LDB3: variants seen among roughly 807,000 people sequenced by gnomAD.
LDB3 encodes LIM domain binding 3.
Under a neutral mutation model 69.0 loss-of-function variants are expected in LDB3, and 49 were observed. The ratio of observed to expected loss-of-function variants is 0.71; its 90% CI spans 0.56 to 0.90. The LOEUF is 0.90. LDB3 is among the 40% of genes least tolerant of loss of function. LDB3 has a pLI of 0.00. For missense variants in LDB3, 928 were observed against 974.1 expected, an observed-to-expected ratio of 0.95 and a Z score of 0.63; for synonymous variants, 387 against 396.2, an observed-to-expected ratio of 0.98 and a Z score of 0.28.
intron 5 of LDB3, among the ~76,000 whole-genome samples, chr10:86,690,575 C>T (rs1477100175): frequency 1.3e-5 from 2 of 152,256 alleles, no homozygotes; most frequent in African/African-American, 4.8e-5. Context: ...TTGTAGCCCA[C>T]CCTGAGCCAG....
At chr10:86,668,924 C>T in intron 2 of LDB3, 140 bp downstream of exon 2, 1 of 695,332 alleles carries the variant, frequency 1.4e-6, no homozygotes, top group Non-Finnish European at 2.5e-6. Flanking sequence ...TGGCCTGGTC[C>T]TCTGGTCTCA....
At chr10:86,714,856 C>T (rs1177724058) in intron 9 of LDB3, among the ~76,000 whole-genome samples, 2 of 152,204 alleles carry the variant, frequency 1.3e-5, no homozygotes, top group Non-Finnish European at 2.9e-5. Flanking sequence ...CATGCCCAAC[C>T]GGTATTATCT....
At position 86,733,355 on chromosome 10, in the gene LDB3, G is replaced by T. The variant is rs1299414985; in HGVS notation, c.*379G>T. 2 of 290,454 alleles carry T rather than the reference G, an allele frequency of 6.9e-6. No homozygotes were observed. Among genetic ancestry groups the T allele is most frequent in the East Asian group, 9.3e-5 (1 of 10,752 alleles). The allele number at this position is 290,454 out of a possible 1,614,324, so 18.0% of individuals were successfully genotyped here. A position where few individuals can be genotyped will look rare whatever the true frequency, so the allele number is the denominator to read the frequency against. On this transcript the variant is annotated 3_prime_UTR_variant, in exon 14 of 14. Coordinates refer to ENST00000361373, the MANE Select transcript of LDB3 (RefSeq NM_007078.3). ...CTGTGGAGAATCTGAAGCATTCTGCGGAGTTCTTAAGCGCTCCCCTGGCAA... is the reference window on the plus strand; with the variant it reads ...CTGTGGAGAATCTGAAGCATTCTGCTGAGTTCTTAAGCGCTCCCCTGGCAA...
At chr10:86,692,656 AG>A in intron 7 of LDB3, 85 bp downstream of exon 7, 1 of 1,203,226 alleles carries the variant, frequency 8.3e-7, no homozygotes, top group Non-Finnish European at 1.2e-6. Context: ...CACTCATGGA[AG>A]GGACCTCTCA....
intron 7 of LDB3, among the ~76,000 whole-genome samples, chr10:86,692,794 G>T (rs1845829446): frequency 6.6e-6 from 1 of 152,238 alleles, no homozygotes; most frequent in African/African-American, 2.4e-5. Flanking sequence ...GGCTACAAGA[G>T]CGAAGGCTCT....
chr10:86,668,826 C>A, intron 2 of LDB3, 42 bp downstream of exon 2: 2 of 1,474,450 alleles, frequency 1.4e-6, no homozygotes, highest in Non-Finnish European at 1.9e-6. Context: ...ATGGGGCAGG[C>A]ACGCTTGGAG....
intron 9 of LDB3, among the ~76,000 whole-genome samples, chr10:86,715,253 C>T (rs1846823401): frequency 6.6e-6 from 1 of 152,158 alleles, no homozygotes; most frequent in African/African-American, 2.4e-5. Context: ...GGGAGGGAGG[C>T]TGTGCTGACA....
Position 86,687,085 on chromosome 10 carries a change from C to T in LDB3, c.690-4811C>T, listed in dbSNP as rs750606592. 1.4e-5 allele frequency: 22 copies of T among 1,614,010 alleles called. No individual in the cohort carries two copies. The highest frequency in any genetic ancestry group is 1.6e-5 in the Non-Finnish European group (19 of 1,179,984). On this transcript the variant is annotated intron_variant, in intron 5 of 13. Coordinates refer to ENST00000361373, the MANE Select transcript of LDB3 (RefSeq NM_007078.3). Reference sequence around the variant, plus strand: ...CTCCCCCAGCGCCGACTACCAGGAACGCTTCAACCCCAGTGCCCTGAAGGA... The same window carrying T: ...CTCCCCCAGCGCCGACTACCAGGAATGCTTCAACCCCAGTGCCCTGAAGGA...
Position 86,697,511 on chromosome 10 carries a change from G to A in LDB3, c.896+4940G>A, listed in dbSNP as rs184360897. Among the ~76,000 whole-genome samples, 107 of 147,836 alleles carry A rather than the reference G, an allele frequency of 7.2e-4. No individual in the cohort carries two copies. The East Asian group carries it at 0.015, about 21-fold the overall frequency. ...CCTGGGATTACAGGCGTGAGCCGCC[G>A]TGCCCGGCCAACTTCTTTTTTTTCT... On this transcript the variant is annotated intron_variant, in intron 7 of 13. Coordinates refer to ENST00000361373, the MANE Select transcript of LDB3 (RefSeq NM_007078.3).
chr10:86,710,243 A>G, intron 9 of LDB3, 193 bp downstream of exon 9: 1 of 985,430 alleles, frequency 1.0e-6, no homozygotes. Flanking sequence ...TGGGGGAGAC[A>G]GGTGAGCAAG....
chr10:86,721,388 G>A (rs993892129), intron 12 of LDB3, among the ~76,000 whole-genome samples: 4 of 152,194 alleles, frequency 2.6e-5, no homozygotes, highest in Non-Finnish European at 5.9e-5. Context: ...ATAGGGTCTA[G>A]GCTGAAAAAT....
chr10:86,704,831 C>G (rs1013289270), intron 7 of LDB3, among the ~76,000 whole-genome samples: 2 of 151,952 alleles, frequency 1.3e-5, no homozygotes, highest in African/African-American at 4.8e-5. Flanking sequence ...ATCCGCCCAC[C>G]TCGGCCTCCC....
intron 9 of LDB3, among the ~76,000 whole-genome samples, chr10:86,712,316 G>T (rs115428739): frequency 6.6e-6 from 1 of 152,350 alleles, no homozygotes; most frequent in African/African-American, 2.4e-5. Flanking sequence ...AGTCTGTAAG[G>T]CCTTCCGATG....
At position 86,699,227 on chromosome 10, in the gene LDB3, C is replaced by A; in HGVS notation, c.896+6656C>A. 2 of 1,561,956 alleles carry A rather than the reference C, an allele frequency of 1.3e-6. No homozygotes were observed. Among genetic ancestry groups the A allele is most frequent in the South Asian group, 1.1e-5 (1 of 89,752 alleles). ...CTCCCTCTCTTCTCTCTCTTTCTGTCTCTGTCTCTGTTTCTCTCTCTCTCT... is the reference window on the plus strand; with the variant it reads ...CTCCCTCTCTTCTCTCTCTTTCTGTATCTGTCTCTGTTTCTCTCTCTCTCT... On this transcript the variant is annotated intron_variant, in intron 7 of 13. Transcript: ENST00000361373. This position sits in a 1 kb window ranked among gnomAD's most constrained non-coding sequence, Gnocchi z 4.9.
chr10:86,701,599 G>A (rs571862715), intron 7 of LDB3, among the ~76,000 whole-genome samples: 2 of 152,384 alleles, frequency 1.3e-5, no homozygotes, highest in South Asian at 4.1e-4. Flanking sequence ...ATGCGGCTGT[G>A]TTCCCAATGC....
At chr10:86,709,672 T>A (rs1846566260) in intron 8 of LDB3, among the ~76,000 whole-genome samples, 1 of 152,236 alleles carries the variant, frequency 6.6e-6, no homozygotes, top group South Asian at 2.1e-4. Flanking sequence ...GGTGTCCTCC[T>A]GGTGGCTTTT....
At chr10:86,686,555 C>T (rs1845476349) in intron 5 of LDB3, among the ~76,000 whole-genome samples, 1 of 152,116 alleles carries the variant, frequency 6.6e-6, no homozygotes, top group Admixed American at 6.5e-5. Context: ...GTGGCTCATG[C>T]CTGTAATCCC....
intron 2 of LDB3, among the ~76,000 whole-genome samples, chr10:86,671,263 C>T (rs1844455344): frequency 6.6e-6 from 1 of 152,192 alleles, no homozygotes; most frequent in Admixed American, 6.5e-5. Flanking sequence ...TGCTGGCTTG[C>T]TCACCCCTCT....
At chr10:86,726,703 T>C (rs188209893) in intron 13 of LDB3, among the ~76,000 whole-genome samples, 7 of 152,346 alleles carry the variant, frequency 4.6e-5, no homozygotes, top group African/African-American at 1.7e-4. Flanking sequence ...AAAGCTGAGA[T>C]AGGGTTTCTC....
Sources: allele counts gnomAD v4.1 joint callset (sites outside exome capture counted in the v4.1 genomes callset), GRCh38; gene constraint gnomAD v4.1.1; non-coding constraint Gnocchi (gnomAD v3.1); transcripts MANE v1.5; gene names NCBI Gene and HGNC (gene_info 2026-07-23, HGNC 2026-07-21).